USP22: variants seen among roughly 807,000 people sequenced by gnomAD.
USP22 encodes ubiquitin carboxyl-terminal hydrolase 22.
In USP22, 22 loss-of-function variants were observed where a neutral mutation model predicts 68.1. That is an observed-to-expected ratio of 0.32 (90% CI 0.23 to 0.46). The LOEUF (loss-of-function observed/expected upper bound fraction) is 0.46. Among genes scored for constraint, USP22 ranks in the 20% least tolerant of loss-of-function variants. USP22 has a pLI of 1.00. For synonymous variants in USP22, 279 were observed against 274.2 expected (o/e 1.02, Z -0.17); for missense variants, 433 against 695.8 (o/e 0.62, Z 4.25).
Position 21,015,849 on chromosome 17 carries a change from C to T in USP22, c.741G>A (p.Leu247=). The part of the protein sequence containing the change: ...SPHIPYKLLH[L]VWTHARHLAG... ...CTAGGTGCCTCGCGTGGGTCCACAC[C>T]AGGTGCAGCAACTTATACGGGATGT... The change falls in exon 6 of 13, where the codon CTG becomes CTA. Residue 247 remains leucine (L), a synonymous_variant. Transcript: ENST00000261497. The T allele has an allele frequency of 1.2e-6, 2 of 1,614,126 alleles. No homozygotes were observed. The highest frequency in any genetic ancestry group is 1.7e-6 in the Non-Finnish European group (2 of 1,180,034).
chr17:21,021,030 C>T, intron 3 of USP22, 83 bp downstream of exon 3: 1 of 1,146,538 alleles, frequency 8.7e-7, no homozygotes, highest in Non-Finnish European at 1.3e-6. Flanking sequence ...CACCTAGGTA[C>T]TTCTCTTTCT....
chr17:21,019,543 G>A (rs116902198), intron 3 of USP22, among the ~76,000 whole-genome samples: 120 of 152,350 alleles, frequency 7.9e-4, no homozygotes, highest in Non-Finnish European at 1.5e-3. Flanking sequence ...GGATTCTCCC[G>A]CAAACAAGTG....
chr17:21,014,407 C>T (rs1914067925), intron 6 of USP22, among the ~76,000 whole-genome samples: 1 of 152,230 alleles, frequency 6.6e-6, no homozygotes, highest in Non-Finnish European at 1.5e-5. Context: ...TCCACAGTGG[C>T]TCTTTCCTCT....
chr17:21,021,751 G>C (rs545698068), intron 2 of USP22, among the ~76,000 whole-genome samples: 35 of 152,290 alleles, frequency 2.3e-4, no homozygotes, highest in African/African-American at 7.5e-4. Flanking sequence ...TCTTGACCCA[G>C]AGCTGCCTGA....
At chr17:21,010,168 A>G (rs1427670456) in intron 8 of USP22, among the ~76,000 whole-genome samples, 1 of 152,076 alleles carries the variant, frequency 6.6e-6, no homozygotes, top group Non-Finnish European at 1.5e-5. Context: ...TATCTCAAAA[A>G]ACAAAATAAA....
At chr17:21,027,011 G>GCCGGGATGGTCTCGATCTCCAGTCTGC (rs1202678833) in intron 2 of USP22, among the ~76,000 whole-genome samples, 1 of 151,788 alleles carries the variant, frequency 6.6e-6, no homozygotes, top group African/African-American at 2.4e-5. Context: ...CACCATGTTG[G>GCCGGGATGGTCTCGATCTCCAGTCTGC]CCGGGATGGT....
chr17:21,025,982 A>G (rs4613123), intron 2 of USP22, among the ~76,000 whole-genome samples: 114,609 of 152,202 alleles, frequency 0.75, 43,583 homozygotes, highest in South Asian at 0.82. Context: ...TAATAGGGCC[A>G]GGCGCGGTGG....
At chr17:21,006,191 G>A (rs1301862645) in intron 10 of USP22, among the ~76,000 whole-genome samples, 1 of 152,192 alleles carries the variant, frequency 6.6e-6, no homozygotes, top group Non-Finnish European at 1.5e-5. Flanking sequence ...ACTCCTATGT[G>A]TCTCATGCAT....
Position 21,002,906 on chromosome 17 carries a change from TG to T in USP22, c.*124del. 1 of 1,121,570 alleles carries T rather than the reference TG, an allele frequency of 8.9e-7. No homozygotes were observed. Among genetic ancestry groups the T allele is most frequent in the Non-Finnish European group, 1.3e-6 (1 of 761,114 alleles). 69.5% of individuals were successfully genotyped at this position (1,121,570 alleles called of 1,614,324 possible). On this transcript the variant is annotated 3_prime_UTR_variant, in exon 13 of 13. Coordinates refer to ENST00000261497, the MANE Select transcript of USP22 (RefSeq NM_015276.2). ...CAGGTGCAGAGGGGCCACATCTGCATGGGAGGTGGTGTCACCAGGCCGGGGA... is the reference window on the plus strand; with the variant it reads ...CAGGTGCAGAGGGGCCACATCTGCATGGAGGTGGTGTCACCAGGCCGGGGA...
At chr17:21,013,046 A>G in intron 6 of USP22, 111 bp from the exon 7 acceptor site, 1 of 936,016 alleles carries the variant, frequency 1.1e-6, no homozygotes, top group Non-Finnish European at 1.7e-6. Flanking sequence ...CAACGCTTTA[A>G]AAGGCCATGT....
intron 2 of USP22, among the ~76,000 whole-genome samples, chr17:21,026,621 T>G (rs1972222946): frequency 6.7e-6 from 1 of 149,788 alleles, no homozygotes; most frequent in Admixed American, 6.7e-5. Context: ...ACACCGCTCC[T>G]CCCTCATCTC....
intron 12 of USP22, 141 bp from the exon 13 acceptor site, chr17:21,003,214 T>A: frequency 1.0e-6 from 1 of 969,760 alleles, no homozygotes; most frequent in Non-Finnish European, 1.6e-6. Flanking sequence ...GGCTTTTTAG[T>A]CCGCAAGGAG....
At chr17:21,018,618 G>A (rs1334806139) in intron 4 of USP22, among the ~76,000 whole-genome samples, 1 of 152,046 alleles carries the variant, frequency 6.6e-6, no homozygotes, top group Non-Finnish European at 1.5e-5. Context: ...AGGCTGAGGT[G>A]GAAGGATCGC....
intron 3 of USP22, among the ~76,000 whole-genome samples, chr17:21,019,967 T>G (rs1219766875): frequency 6.6e-6 from 1 of 152,214 alleles, no homozygotes. Flanking sequence ...AGTCAGAGAT[T>G]GCTCTCCAGA....
chr17:21,011,457 A>C, intron 7 of USP22, 148 bp from the exon 8 acceptor site: 1 of 1,043,470 alleles, frequency 9.6e-7, no homozygotes, highest in Non-Finnish European at 1.4e-6. Context: ...GAGCAAGAGC[A>C]GCAGTGCTCA....
At chr17:21,022,100 AAAAAAT>A (rs1233761883) in intron 2 of USP22, among the ~76,000 whole-genome samples, 3 of 152,136 alleles carry the variant, frequency 2.0e-5, no homozygotes, top group Non-Finnish European at 1.5e-5. Context: ...ACTCTGTCTC[AAAAAAT>A]AAAAATAAAA....
At chr17:21,010,380 C>A (rs1273564935) in intron 8 of USP22, among the ~76,000 whole-genome samples, 1 of 152,076 alleles carries the variant, frequency 6.6e-6, no homozygotes, top group African/African-American at 2.4e-5. Flanking sequence ...TACTTAAATA[C>A]ATTTTTTTTT....
At chr17:21,021,708 A>T (rs1462941165) in intron 2 of USP22, among the ~76,000 whole-genome samples, 1 of 152,166 alleles carries the variant, frequency 6.6e-6, no homozygotes, top group African/African-American at 2.4e-5. Context: ...TACAGGGGGA[A>T]AATAGTTTCT....
intron 8 of USP22, among the ~76,000 whole-genome samples, chr17:21,010,407 TGTG>T (rs1913919378): frequency 6.6e-6 from 1 of 151,970 alleles, no homozygotes; most frequent in African/African-American, 2.4e-5. Context: ...CACTCACAGG[TGTG>T]GTGGCTCATG....
Sources: gnomAD v4.1 joint callset for allele counts (sites outside exome capture counted in the v4.1 genomes callset) on GRCh38, gnomAD v4.1.1 for gene constraint, MANE v1.5 for transcripts, NCBI Gene and HGNC (gene_info 2026-07-23, HGNC 2026-07-21) for gene names.